TFPI: variants seen among roughly 807,000 people sequenced by gnomAD.
TFPI encodes the protein anti-convertin.
A neutral mutation model predicts 34.6 loss-of-function variants in TFPI; 15 were observed. The ratio of observed to expected loss-of-function variants is 0.43; its 90% CI spans 0.29 to 0.67. The LOEUF (loss-of-function observed/expected upper bound fraction) is 0.67. Ranked by LOEUF, TFPI falls within the 30% of genes least tolerant of loss-of-function variation. TFPI has a pLI of 0.15. For missense variants in TFPI, 301 were observed against 364.0 expected (o/e 0.83, Z 1.41); for synonymous variants, 105 against 120.1 (o/e 0.87, Z 0.82).
chr2:187,477,650 A>G (rs1305547923), intron 6 of TFPI, among the ~76,000 whole-genome samples: 1 of 152,174 alleles, frequency 6.6e-6, no homozygotes, highest in Non-Finnish European at 1.5e-5. Context: ...GGAGATAATA[A>G]CAATCTCATG....
At chr2:187,544,003 A>C (rs1688719367) in intron 1 of TFPI, among the ~76,000 whole-genome samples, 2 of 151,780 alleles carry the variant, frequency 1.3e-5, no homozygotes, top group Admixed American at 1.3e-4. Flanking sequence ...TGTTGAAGGA[A>C]CCAGTCTTGA....
Position 187,484,178 on chromosome 2 carries a change from T to C in TFPI, c.574A>G (p.Asn192Asp), listed in dbSNP as rs1395069015. The change falls in exon 6 of 8, where the codon AAT becomes GAT. Residue 192 changes from asparagine (N) to aspartate (D), a missense_variant. Asn to Asp is a conservative substitution (Grantham distance 23, BLOSUM62 1). Coordinates refer to ENST00000233156, the MANE Select transcript of TFPI (RefSeq NM_006287.6). ...FQVDNYGTQL[N>D]AVNNSLTPQS... ...GGAGTCAGGGAGTTATTCACAGCAT[T>C]GAGCTGGGTTCCATAATTATCCACC... is the stretch of plus-strand genomic sequence containing the variant. The C allele has an allele frequency of 1.9e-6, 3 of 1,612,366 alleles. No homozygotes were observed. Among genetic ancestry groups the C allele is most frequent in the Non-Finnish European group, 2.5e-6 (3 of 1,178,824 alleles).
At chr2:187,543,293 A>G (rs1313251837) in intron 1 of TFPI, among the ~76,000 whole-genome samples, 1 of 152,358 alleles carries the variant, frequency 6.6e-6, no homozygotes, top group Non-Finnish European at 1.5e-5. Context: ...GTTATTAGAT[A>G]TGGTGGCACA....
At position 187,465,519 on chromosome 2, in the gene TFPI, AAAAG is replaced by A. The variant is rs1691676050; in HGVS notation, c.*1413_*1416del. On this transcript the variant is annotated 3_prime_UTR_variant, in exon 8 of 8. Coordinates refer to ENST00000233156, the MANE Select transcript of TFPI (RefSeq NM_006287.6). The stretch of plus-strand genomic sequence containing the variant: ...AAAAAAAAAAAAAACAAGAAAAAAG[AAAAG>A]AAAAAGAAAAAAGTAAAAAGCCTAG... The A allele has an allele frequency of 6.6e-6, 1 of 150,392 alleles. No homozygotes were observed. Among genetic ancestry groups the A allele is most frequent in the African/African-American group, 2.4e-5 (1 of 40,912 alleles). 9.3% of individuals were successfully genotyped at this position (150,392 alleles called of 1,614,324 possible).
chr2:187,552,234 C>T (rs1689122740), intron 1 of TFPI, among the ~76,000 whole-genome samples: 2 of 151,796 alleles, frequency 1.3e-5, no homozygotes, highest in Non-Finnish European at 2.9e-5. Context: ...GCCAACCATT[C>T]CTAAGGAATT....
intron 6 of TFPI, among the ~76,000 whole-genome samples, chr2:187,482,934 T>C (rs1329686669): frequency 6.6e-6 from 1 of 151,944 alleles, no homozygotes; most frequent in Non-Finnish European, 1.5e-5. Context: ...CTCATGTCTC[T>C]TTACACTTTT....
intron 1 of TFPI, among the ~76,000 whole-genome samples, chr2:187,512,190 G>A (rs1022887983): frequency 1.3e-5 from 2 of 150,752 alleles, no homozygotes; most frequent in African/African-American, 4.9e-5. Flanking sequence ...AGCGGCAACT[G>A]CTTTGCTAAC....
chr2:187,488,383 C>T lies in TFPI; in HGVS notation c.320-8G>A. 1.3e-6 allele frequency: 2 copies of T among 1,527,226 alleles called. No homozygotes were observed. The highest frequency in any genetic ancestry group is 1.8e-6 in the Non-Finnish European group (2 of 1,137,034). 94.6% of individuals were successfully genotyped at this position (1,527,226 alleles called of 1,614,324 possible). A position where few individuals can be genotyped will look rare whatever the true frequency, so the allele number is the denominator to read the frequency against. On this transcript the variant is annotated splice_region_variant and splice_polypyrimidine_tract_variant and intron_variant, in intron 3 of 7. Coordinates refer to ENST00000233156, the MANE Select transcript of TFPI (RefSeq NM_006287.6). ...TAATCCTGTTTGCATTATCTGTAAT[C>T]AAAAGAATATATGCATATCAATTGT...
At chr2:187,493,886 A>G (rs1222388948) in intron 3 of TFPI, among the ~76,000 whole-genome samples, 1 of 152,194 alleles carries the variant, frequency 6.6e-6, no homozygotes. Flanking sequence ...AAGCCTTTCA[A>G]CAAGTCTCTT....
intron 1 of TFPI, among the ~76,000 whole-genome samples, chr2:187,530,656 C>T (rs1419417831): frequency 2.6e-5 from 4 of 152,168 alleles, no homozygotes; most frequent in Non-Finnish European, 5.9e-5. Context: ...TTTTAAATCA[C>T]TGTACCTCTT....
intron 6 of TFPI, among the ~76,000 whole-genome samples, chr2:187,469,098 A>G (rs1691884632): frequency 6.6e-6 from 1 of 152,082 alleles, no homozygotes; most frequent in African/African-American, 2.4e-5. Flanking sequence ...ATGAAAAAAA[A>G]TCTCAAATTG....
intron 1 of TFPI, among the ~76,000 whole-genome samples, chr2:187,522,981 A>G (rs192738422): frequency 9.9e-5 from 15 of 152,040 alleles, no homozygotes; most frequent in African/African-American, 2.4e-4. Context: ...GAATATGTCT[A>G]TTATTTTGAT....
intron 1 of TFPI, among the ~76,000 whole-genome samples, chr2:187,549,902 T>G: frequency 1.3e-5 from 2 of 152,052 alleles, no homozygotes; most frequent in South Asian, 4.1e-4. Context: ...AGACAAAATA[T>G]AAGAAATTAT....
chr2:187,504,953 C>A (rs1356647197), intron 1 of TFPI, among the ~76,000 whole-genome samples: 1 of 151,912 alleles, frequency 6.6e-6, no homozygotes, highest in East Asian at 1.9e-4. Flanking sequence ...TTTTTTCTCA[C>A]AACACTTTGC....
chr2:187,520,086 T>C (rs1049126352), intron 1 of TFPI, among the ~76,000 whole-genome samples: 2 of 152,146 alleles, frequency 1.3e-5, no homozygotes, highest in African/African-American at 2.4e-5. Flanking sequence ...TACTGGGCTC[T>C]GTAGGTGGTG....
intron 2 of TFPI, among the ~76,000 whole-genome samples, chr2:187,498,208 G>T (rs912151985): frequency 1.3e-5 from 2 of 151,728 alleles, no homozygotes; most frequent in Non-Finnish European, 1.5e-5. Flanking sequence ...TATTTTTAAA[G>T]CATAAAATAC....
chr2:187,541,329 G>C (rs190862797), intron 1 of TFPI, among the ~76,000 whole-genome samples: 1 of 152,130 alleles, frequency 6.6e-6, no homozygotes, highest in African/African-American at 2.4e-5. Flanking sequence ...AAATGATAAG[G>C]CAAGTGAGGA....
Position 187,474,924 on chromosome 2 carries a change from A to G in TFPI, c.629-6992T>C, listed in dbSNP as rs1692275795. Among the ~76,000 whole-genome samples, 3 of 152,184 alleles carry G rather than the reference A, an allele frequency of 2.0e-5. No homozygotes were observed. The South Asian group carries it at 6.2e-4, about 31-fold the overall frequency. ...CAGGCAAACGAGTTTGAAGTGGAAGATGAAGATAGAGCTCAAGTTTTGAGA... is the reference window on the plus strand; with the variant it reads ...CAGGCAAACGAGTTTGAAGTGGAAGGTGAAGATAGAGCTCAAGTTTTGAGA... On this transcript the variant is annotated intron_variant, in intron 6 of 7. Coordinates refer to ENST00000233156, the MANE Select transcript of TFPI (RefSeq NM_006287.6).
chr2:187,483,515 GTTTTCCAGTATTTTCACTA>G (rs1489705013), intron 6 of TFPI, among the ~76,000 whole-genome samples: 1 of 151,806 alleles, frequency 6.6e-6, no homozygotes, highest in East Asian at 1.9e-4. Flanking sequence ...TCCTGATTAT[GTTTTCCAGTATTTTCACTA>G]TTTTCTCAGC....
Sources: allele counts gnomAD v4.1 joint callset (sites outside exome capture counted in the v4.1 genomes callset), GRCh38; gene constraint gnomAD v4.1.1; transcripts MANE v1.5; gene names NCBI Gene and HGNC (gene_info 2026-07-23, HGNC 2026-07-21).